Variants in TNRC18 observed in about 807,000 individuals in gnomAD.
TNRC18 encodes the protein trinucleotide repeat containing 18.
TNRC18 carries 69 observed loss-of-function variants against 226.7 expected under a neutral mutation model. The observed-to-expected ratio is 0.30, with a 90% CI of 0.25 to 0.37. TNRC18 has a LOEUF of 0.37. Among genes scored for constraint, TNRC18 ranks in the 10% least tolerant of loss-of-function variants. TNRC18 has a pLI of 1.00. For missense variants in TNRC18, 4,754 were observed against 4,256.6 expected, an observed-to-expected ratio of 1.12 and a Z score of -3.25; for synonymous variants, 2,449 against 1,927.6, an observed-to-expected ratio of 1.27 and a Z score of -7.09.
chr7:5,388,072 G>A lies in TNRC18; in HGVS notation c.1752C>T (p.Ala584=). Reference sequence around the variant, plus strand: ...CACTGTACTTTATAAGGCTCTGCATGGCCGAGGCCTCTCCAGACCCGTGGG... The same window carrying A: ...CACTGTACTTTATAAGGCTCTGCATAGCCGAGGCCTCTCCAGACCCGTGGG... ...SAAHGSGEAS[A]MQSLIKYSGS... The change falls in exon 5 of 30, where the codon GCC becomes GCT. Residue 584 remains alanine, a synonymous_variant. Transcript: ENST00000430969. 6.4e-7 allele frequency: 1 copy of A among 1,556,456 alleles called. No individual in the cohort carries two copies.
At chr7:5,415,242 T>A (rs1782103935) in intron 2 of TNRC18, among the ~76,000 whole-genome samples, 1 of 152,096 alleles carries the variant, frequency 6.6e-6, no homozygotes, top group Non-Finnish European at 1.5e-5. Context: ...TTTCTGCCCT[T>A]TGCATGCAGG....
At position 5,312,380 on chromosome 7, in the gene TNRC18, A is replaced by G; in HGVS notation, c.8388+123T>C. ...GTACCCATCCATAAAGTGGGACGCCAGCCCTCCACCCTGGGGTTCTGGGAG... is the reference window on the plus strand; with the variant it reads ...GTACCCATCCATAAAGTGGGACGCCGGCCCTCCACCCTGGGGTTCTGGGAG... On this transcript the variant is annotated intron_variant, in intron 27 of 29. Transcript: ENST00000430969. This position sits in a 1 kb window ranked among gnomAD's most constrained non-coding sequence, Gnocchi z 6.3. The G allele has an allele frequency of 1.4e-6, 2 of 1,402,640 alleles. No homozygotes were observed. The highest frequency in any genetic ancestry group is 1.9e-6 in the Non-Finnish European group (2 of 1,067,080). The allele number at this position is 1,402,640 out of a possible 1,614,324, so 86.9% of individuals were successfully genotyped here.
intron 4 of TNRC18, 190 bp from the exon 5 acceptor site, chr7:5,389,526 C>T (rs868166215): frequency 1.4e-5 from 9 of 633,772 alleles, no homozygotes; most frequent in African/African-American, 6.2e-5. Context: ...GCAACCTTGG[C>T]TCACTGCAAC....
chr7:5,390,159 T>C, intron 4 of TNRC18: 1 of 442,624 alleles, frequency 2.3e-6, no homozygotes, highest in South Asian at 6.2e-5. Flanking sequence ...AGGCCAGGAG[T>C]TTGAAACCAT....
intron 2 of TNRC18, among the ~76,000 whole-genome samples, chr7:5,400,095 A>G (rs1255253648): frequency 1.3e-5 from 2 of 151,994 alleles, no homozygotes; most frequent in South Asian, 4.2e-4. Context: ...GGATCTCACT[A>G]TGTTGCGAAG....
In TNRC18 at chr7:5,357,091, C is replaced by T. The variant is rs1792506037; in HGVS notation, c.5019G>A (p.Leu1673=). The T allele has an allele frequency of 1.9e-6, 3 of 1,552,062 alleles. No individual in the cohort carries two copies. Among genetic ancestry groups the T allele is most frequent in the Non-Finnish European group, 1.7e-6 (2 of 1,147,130 alleles). The part of the protein sequence containing the change: ...GRYLTPYDSL[L]GKNRKALAKG... ...TGGCCAGCGCCTTCCTGTTCTTCCC[C>T]AGCAGGCTGTCGTAAGGAGTCAAGT... Residue 1673 remains leucine (L), a synonymous_variant, in exon 16 of 30, where the codon CTG becomes CTA. Coordinates refer to ENST00000430969, the MANE Select transcript of TNRC18 (RefSeq NM_001080495.3).
At position 5,394,866 on chromosome 7, in the gene TNRC18, G is replaced by A. The variant is rs936583346; in HGVS notation, c.188-271C>T. Among the ~76,000 whole-genome samples, 3 of 151,942 alleles carry A rather than the reference G, an allele frequency of 2.0e-5. No individual in the cohort carries two copies. The highest frequency in any genetic ancestry group is 4.4e-5 in the Non-Finnish European group (3 of 67,948). ...GCAGACCCTCAGCCCTGGGCACCCC[G>A]CACCCTCGGAGGAGGGCCTTCCACC... On this transcript the variant is annotated intron_variant, in intron 2 of 29. Transcript: ENST00000430969. The surrounding 1 kb of genome is among the most constrained non-coding windows in gnomAD (Gnocchi z 4.5).
In TNRC18 at chr7:5,388,417, C is replaced by T. The variant is rs775801985; in HGVS notation, c.1407G>A (p.Glu469=). The T allele has an allele frequency of 1.3e-6, 2 of 1,488,904 alleles. No individual in the cohort carries two copies. Among genetic ancestry groups the T allele is most frequent in the African/African-American group, 1.5e-5 (1 of 68,090 alleles). 92.2% of individuals were successfully genotyped at this position (1,488,904 alleles called of 1,614,324 possible). Reference sequence around the variant, plus strand: ...CACGCTCGCAGGGCCTCGGGTCCGCCTCGGGCTTGAGCAGCTCCTTGGCAG... The same window carrying T: ...CACGCTCGCAGGGCCTCGGGTCCGCTTCGGGCTTGAGCAGCTCCTTGGCAG... The part of the protein sequence containing the change: ...YVPAKELLKP[E]ADPRPCERAP... The change falls in exon 5 of 30, where the codon GAG becomes GAA. Residue 469 remains glutamate (E), a synonymous_variant. Coordinates refer to ENST00000430969, the MANE Select transcript of TNRC18 (RefSeq NM_001080495.3).
In TNRC18 at chr7:5,388,228, G is replaced by C; in HGVS notation, c.1596C>G (p.His532Gln). 2 of 1,604,702 alleles carry C rather than the reference G, an allele frequency of 1.2e-6. No homozygotes were observed. Among genetic ancestry groups the C allele is most frequent in the Non-Finnish European group, 1.7e-6 (2 of 1,176,728 alleles). ...QMAVLAAQHH[H>Q]SRAEEEAAVV... Reference sequence around the variant, plus strand: ...CGGCGGCCTCCTCTTCGGCGCGGCTGTGGTGGTGCTGCGCGGCCAGCACGG... The same window carrying C: ...CGGCGGCCTCCTCTTCGGCGCGGCTCTGGTGGTGCTGCGCGGCCAGCACGG... Residue 532 changes from histidine to glutamine, a missense_variant, in exon 5 of 30, where the codon CAC becomes CAG. Coordinates refer to ENST00000430969, the MANE Select transcript of TNRC18 (RefSeq NM_001080495.3).
At position 5,313,378 on chromosome 7, in the gene TNRC18, G is replaced by C. The variant is rs753919497; in HGVS notation, c.7513C>G (p.Pro2505Ala). Residue 2505 changes from proline (P) to alanine (A), a missense_variant, in exon 27 of 30, where the codon CCC becomes GCC. Coordinates refer to ENST00000430969, the MANE Select transcript of TNRC18 (RefSeq NM_001080495.3). Reference protein sequence around the residue: ...PKSLLSLGSYPPAAGSSEPKA... With the variant: ...PKSLLSLGSYAPAAGSSEPKA... ...GGCTCGCTGCTGCCGGCCGCGGGGGGATAGCTGCCCAGGCTCAGGAGGCTC... is the reference window on the plus strand; with the variant it reads ...GGCTCGCTGCTGCCGGCCGCGGGGGCATAGCTGCCCAGGCTCAGGAGGCTC... The C allele has an allele frequency of 4.2e-5, 66 of 1,586,546 alleles. No homozygotes were observed. Among genetic ancestry groups the C allele is most frequent in the Non-Finnish European group, 5.2e-5 (61 of 1,167,992 alleles).
At chr7:5,361,011 C>G (rs1401079506) in intron 14 of TNRC18, among the ~76,000 whole-genome samples, 1 of 152,160 alleles carries the variant, frequency 6.6e-6, no homozygotes, top group African/African-American at 2.4e-5. Context: ...CTACAGACAC[C>G]GAGGGAAGGA....
intron 19 of TNRC18, among the ~76,000 whole-genome samples, chr7:5,329,625 G>A (rs1353148212): frequency 7.0e-6 from 1 of 142,640 alleles, no homozygotes; most frequent in Non-Finnish European, 1.5e-5. Context: ...GGAGGTTGCA[G>A]TGAGCCGAGT....
intron 2 of TNRC18, among the ~76,000 whole-genome samples, chr7:5,401,998 A>AC (rs371886095): frequency 3.4e-4 from 52 of 151,618 alleles, no homozygotes; most frequent in African/African-American, 1.3e-3. Context: ...ACACGGTGAA[A>AC]CCCCGTCTCT....
At chr7:5,341,221 C>T (rs1222898959) in intron 18 of TNRC18, among the ~76,000 whole-genome samples, 1 of 148,430 alleles carries the variant, frequency 6.7e-6, no homozygotes, top group African/African-American at 2.5e-5. Context: ...ACCATCCTGG[C>T]TACCACAGTG....
At chr7:5,409,812 TAAA>T (rs35153914) in intron 2 of TNRC18, among the ~76,000 whole-genome samples, 9 of 104,734 alleles carry the variant, frequency 8.6e-5, no homozygotes, top group African/African-American at 2.2e-4. Context: ...CCGTCTCTAC[TAAA>T]AAAAAAAAAA....
In TNRC18 at chr7:5,342,878, C is replaced by T. The variant is rs186677856; in HGVS notation, c.5719+2684G>A. On this transcript the variant is annotated intron_variant, in intron 18 of 29. Transcript: ENST00000430969. ...TGGCAAACTTCACTGTTGTCTTATT[C>T]TAAGAAATTGCCACAGCCACCCCAA... 1.8e-3 allele frequency among the ~76,000 whole-genome samples: 270 copies of T among 152,244 alleles called. 1 individual carries two copies. Among genetic ancestry groups the T allele is most frequent in the African/African-American group, 6.0e-3 (251 of 41,548 alleles).
intron 2 of TNRC18, among the ~76,000 whole-genome samples, chr7:5,401,264 G>A (rs375177897): frequency 6.6e-6 from 1 of 152,002 alleles, no homozygotes; most frequent in East Asian, 1.9e-4. Flanking sequence ...ATCATGATAG[G>A]GATATAAGTT....
Position 5,339,630 on chromosome 7 carries a change from C to A in TNRC18, c.5719+5932G>T, listed in dbSNP as rs116962679. Among the ~76,000 whole-genome samples, 173 of 150,852 alleles carry A rather than the reference C, an allele frequency of 1.1e-3. 3 individuals carry two copies. In the East Asian group the frequency reaches 0.028, roughly 24 times the overall value. On this transcript the variant is annotated intron_variant, in intron 18 of 29. Coordinates refer to ENST00000430969, the MANE Select transcript of TNRC18 (RefSeq NM_001080495.3). The stretch of plus-strand genomic sequence containing the variant: ...CCCAGGATGGAGGGCAGTGCAATGG[C>A]CCGATCTCTGCTCACTGCAAACTCT...
chr7:5,357,017 C>G lies in TNRC18; in HGVS notation c.5093G>C (p.Arg1698Thr). The change falls in exon 16 of 30, where the codon AGG becomes ACG. Residue 1698 changes from arginine to threonine, a missense_variant. Transcript: ENST00000430969. ...LKSSREGKHK[R>T]AAKTRKMEVG... ...CTCCATCTTCCTGGTTTTGGCTGCC[C>G]TTTTGTGTTTACCTTCTCTGGAGGA... 1 of 1,552,322 alleles carries G rather than the reference C, an allele frequency of 6.4e-7. No homozygotes were observed. The highest frequency in any genetic ancestry group is 8.7e-7 in the Non-Finnish European group (1 of 1,147,136).
Sources: allele counts gnomAD v4.1 joint callset (sites outside exome capture counted in the v4.1 genomes callset), GRCh38; gene constraint gnomAD v4.1.1; non-coding constraint Gnocchi (gnomAD v3.1); transcripts MANE v1.5; gene names NCBI Gene and HGNC (gene_info 2026-07-23, HGNC 2026-07-21).